MACROD2: variants seen among roughly 807,000 people sequenced by gnomAD.
The protein encoded by MACROD2 is ADP-ribose glycohydrolase MACROD2.
Under a neutral mutation model 70.4 loss-of-function variants are expected in MACROD2, and 36 were observed. The observed-to-expected ratio is 0.51, with a 90% CI of 0.39 to 0.68. MACROD2 has a LOEUF of 0.68. Among genes scored for constraint, MACROD2 ranks in the 30% least tolerant of loss-of-function variants. MACROD2 has a pLI of 0.00. For missense variants in MACROD2, 496 were observed against 538.4 expected (o/e 0.92, Z 0.78); for synonymous variants, 172 against 178.8 (o/e 0.96, Z 0.30).
intron 5 of MACROD2, among the ~76,000 whole-genome samples, chr20:15,046,267 A>G (rs1475808820): frequency 6.6e-6 from 1 of 152,196 alleles, no homozygotes; most frequent in Non-Finnish European, 1.5e-5. Flanking sequence ...TTAAAAATAT[A>G]TCTCCGAACC....
intron 8 of MACROD2, among the ~76,000 whole-genome samples, chr20:15,530,716 C>CAA (rs57826871): frequency 0.072 from 6,466 of 90,406 alleles, 405 homozygotes; most frequent in African/African-American, 0.16. Context: ...CTCCATCTCA[C>CAA]AAAAAAAAAA....
At chr20:14,643,250 T>C (rs1300353284) in intron 4 of MACROD2, among the ~76,000 whole-genome samples, 4 of 152,152 alleles carry the variant, frequency 2.6e-5, no homozygotes, top group African/African-American at 7.2e-5. Context: ...AAACAAAAAA[T>C]AGGTTAAAAG....
chr20:15,059,651 A>T (rs2075516121), intron 5 of MACROD2, among the ~76,000 whole-genome samples: 1 of 152,150 alleles, frequency 6.6e-6, no homozygotes, highest in South Asian at 2.1e-4. Context: ...ATCCATTCCA[A>T]TCAGTTTGAC....
At chr20:15,388,180 G>GA (rs2045745395) in intron 6 of MACROD2, among the ~76,000 whole-genome samples, 1 of 152,082 alleles carries the variant, frequency 6.6e-6, no homozygotes, top group Admixed American at 6.6e-5. Flanking sequence ...AGGGGAAGGG[G>GA]AGGCTGAAAA....
intron 4 of MACROD2, among the ~76,000 whole-genome samples, chr20:14,512,246 C>T (rs1234479289): frequency 1.3e-5 from 2 of 152,162 alleles, no homozygotes; most frequent in African/African-American, 4.8e-5. Flanking sequence ...TAGGAATTCA[C>T]ATCAAGCGGG....
At chr20:16,005,649 G>A (rs1601311926) in intron 15 of MACROD2, among the ~76,000 whole-genome samples, 1 of 152,292 alleles carries the variant, frequency 6.6e-6, no homozygotes, top group Non-Finnish European at 1.5e-5. Context: ...AATCAAAAAT[G>A]CTTTTCTAAA....
intron 8 of MACROD2, among the ~76,000 whole-genome samples, chr20:15,636,408 T>C (rs1220954504): frequency 1.3e-5 from 2 of 152,228 alleles, no homozygotes; most frequent in Non-Finnish European, 2.9e-5. Flanking sequence ...ATGTAGAATC[T>C]AGTCTCAGAA....
intron 5 of MACROD2, among the ~76,000 whole-genome samples, chr20:14,903,038 C>CT (rs1600796465): frequency 8.2e-6 from 1 of 121,458 alleles, no homozygotes; most frequent in Non-Finnish European, 1.7e-5. Context: ...TTTTTCTTTC[C>CT]CTTTTTTTTT....
intron 8 of MACROD2, 64 bp downstream of exon 8, chr20:15,499,911 A>T: frequency 6.8e-7 from 1 of 1,465,186 alleles, no homozygotes; most frequent in Non-Finnish European, 9.5e-7. Context: ...AGTTCCCCCC[A>T]AAAAAGCACA....
At chr20:14,818,084 G>A (rs2072794057) in intron 5 of MACROD2, among the ~76,000 whole-genome samples, 1 of 152,090 alleles carries the variant, frequency 6.6e-6, no homozygotes, top group East Asian at 1.9e-4. Flanking sequence ...AAGATGGAAG[G>A]ATCATTTCGT....
At chr20:14,854,105 C>T (rs1202510236) in intron 5 of MACROD2, among the ~76,000 whole-genome samples, 1 of 152,090 alleles carries the variant, frequency 6.6e-6, no homozygotes, top group East Asian at 1.9e-4. Flanking sequence ...CTTTCTACCT[C>T]ATCATTACCC....
chr20:14,897,190 G>A (rs1348537195), intron 5 of MACROD2, among the ~76,000 whole-genome samples: 1 of 152,096 alleles, frequency 6.6e-6, no homozygotes, highest in Non-Finnish European at 1.5e-5. Context: ...TCTGTGTGAG[G>A]CAGATACTTT....
At chr20:15,305,937 C>A (rs2077693632) in intron 6 of MACROD2, among the ~76,000 whole-genome samples, 2 of 152,122 alleles carry the variant, frequency 1.3e-5, no homozygotes, top group South Asian at 4.1e-4. Flanking sequence ...TTGATTTGCT[C>A]TTTTCTCATT....
At position 15,982,271 on chromosome 20, in the gene MACROD2, T is replaced by C. The variant is rs572884037; in HGVS notation, c.986-4456T>C. On this transcript the variant is annotated intron_variant, in intron 13 of 17. Transcript: ENST00000684519. Reference sequence around the variant, plus strand: ...TGTTATTGTACAAACAAGTTCTTTTTGGAGTTCCTAGGCATTTATAATAAC... The same window carrying C: ...TGTTATTGTACAAACAAGTTCTTTTCGGAGTTCCTAGGCATTTATAATAAC... Among the ~76,000 whole-genome samples, 21 of 152,300 alleles carry C rather than the reference T, an allele frequency of 1.4e-4. No homozygotes were observed. In the East Asian group the frequency reaches 2.9e-3, roughly 21 times the overall value.
At chr20:14,373,154 C>A (rs577365083) in intron 3 of MACROD2, among the ~76,000 whole-genome samples, 3 of 152,048 alleles carry the variant, frequency 2.0e-5, no homozygotes, top group Admixed American at 6.6e-5. Context: ...CAGCAAGTGG[C>A]GGTTGCTCTT....
intron 2 of MACROD2, among the ~76,000 whole-genome samples, chr20:14,044,425 G>C (rs6042497): frequency 6.6e-6 from 1 of 152,138 alleles, no homozygotes; most frequent in African/African-American, 2.4e-5. Flanking sequence ...GGACCTGAGC[G>C]GGTTGCCACT....
intron 3 of MACROD2, among the ~76,000 whole-genome samples, chr20:14,279,681 T>C (rs2082289679): frequency 6.6e-6 from 1 of 152,184 alleles, no homozygotes; most frequent in African/African-American, 2.4e-5. Context: ...CTCTTCATGA[T>C]ACTCTAATAC....
chr20:15,978,490 T>G lies in MACROD2; in HGVS notation c.986-8237T>G, dbSNP rs139201825. Among the ~76,000 whole-genome samples the G allele has an allele frequency of 1.2e-3, 181 of 152,264 alleles. 1 individual carries two copies. Among genetic ancestry groups the G allele is most frequent in the Non-Finnish European group, 2.2e-3 (148 of 68,006 alleles). On this transcript the variant is annotated intron_variant, in intron 13 of 17. Coordinates refer to ENST00000684519, the MANE Select transcript of MACROD2 (RefSeq NM_001351661.2). ...AGAACCCCAGGGTCTCTCTCCACCA[T>G]ATAAACCCCTCATTTTGTAAGTTCA... is the stretch of plus-strand genomic sequence containing the variant.
chr20:14,428,375 G>A (rs2083958768), intron 3 of MACROD2, among the ~76,000 whole-genome samples: 1 of 152,066 alleles, frequency 6.6e-6, no homozygotes, highest in African/African-American at 2.4e-5. Flanking sequence ...GAATCCCTCA[G>A]TCTAGTATTC....
Sources: allele counts gnomAD v4.1 joint callset (sites outside exome capture counted in the v4.1 genomes callset), GRCh38; gene constraint gnomAD v4.1.1; transcripts MANE v1.5; gene names NCBI Gene and HGNC (gene_info 2026-07-23, HGNC 2026-07-21).